KAT6B: variants seen among roughly 807,000 people sequenced by gnomAD.
The protein encoded by KAT6B is histone acetyltransferase KAT6B.
In KAT6B, 10 loss-of-function variants were observed where a neutral mutation model predicts 187.5. The ratio of observed to expected loss-of-function variants is 0.05; its 90% CI spans 0.03 to 0.09. The LOEUF is 0.09. Ranked by LOEUF, KAT6B falls within the 10% of genes least tolerant of loss-of-function variation. KAT6B has a pLI of 1.00. For missense variants in KAT6B, 1,952 were observed against 2,558.9 expected, an observed-to-expected ratio of 0.76 and a Z score of 5.12; for synonymous variants, 861 against 926.8, an observed-to-expected ratio of 0.93 and a Z score of 1.29.
At chr10:74,935,379 CT>C (rs1186477255) in intron 3 of KAT6B, among the ~76,000 whole-genome samples, 4 of 139,376 alleles carry the variant, frequency 2.9e-5, no homozygotes, top group Non-Finnish European at 4.4e-5. Flanking sequence ...AACAATATAT[CT>C]TTTTTTTTCA....
chr10:74,954,600 G>A (rs1372914228), intron 3 of KAT6B, among the ~76,000 whole-genome samples: 4 of 152,268 alleles, frequency 2.6e-5, no homozygotes, highest in Admixed American at 2.6e-4. Flanking sequence ...CCTTTCACCT[G>A]GATGAAGACA....
At chr10:74,987,782 T>A (rs1201316060) in intron 12 of KAT6B, among the ~76,000 whole-genome samples, 1 of 152,248 alleles carries the variant, frequency 6.6e-6, no homozygotes, top group Non-Finnish European at 1.5e-5. Context: ...GAAATGGTTC[T>A]GGACAAAGCA....
chr10:74,915,202 T>C (rs1173330192), intron 3 of KAT6B, among the ~76,000 whole-genome samples: 1 of 152,222 alleles, frequency 6.6e-6, no homozygotes, highest in Non-Finnish European at 1.5e-5. Flanking sequence ...TATATGCAGC[T>C]TATAAGAATC....
intron 3 of KAT6B, among the ~76,000 whole-genome samples, chr10:74,910,386 C>G (rs184840635): frequency 1.4e-4 from 21 of 152,240 alleles, no homozygotes; most frequent in Admixed American, 5.9e-4. Context: ...TCCCAATACC[C>G]CCTCGTGGCA....
intron 3 of KAT6B, among the ~76,000 whole-genome samples, chr10:74,897,417 G>A (rs946584621): frequency 6.6e-6 from 1 of 152,202 alleles, no homozygotes; most frequent in African/African-American, 2.4e-5. Context: ...GCACACTGCT[G>A]GACCTAGAGC....
intron 1 of KAT6B, among the ~76,000 whole-genome samples, chr10:74,836,838 C>G (rs186460771): frequency 4.6e-5 from 7 of 152,190 alleles, no homozygotes; most frequent in Admixed American, 2.6e-4. Flanking sequence ...TTGAAAAAAT[C>G]CAGGTTTTCC....
chr10:74,962,515 G>A (rs1459723596), intron 4 of KAT6B, among the ~76,000 whole-genome samples: 3 of 152,126 alleles, frequency 2.0e-5, no homozygotes, highest in Non-Finnish European at 2.9e-5. Context: ...AATTGAGACC[G>A]TTCATAATGT....
intron 3 of KAT6B, among the ~76,000 whole-genome samples, chr10:74,855,800 A>C (rs971618184): frequency 1.3e-5 from 2 of 152,186 alleles, no homozygotes; most frequent in Non-Finnish European, 2.9e-5. Flanking sequence ...TTTCACATAG[A>C]TTCACCAATT....
At chr10:74,840,740 G>A (rs1014023898) in intron 2 of KAT6B, among the ~76,000 whole-genome samples, 1 of 152,176 alleles carries the variant, frequency 6.6e-6, no homozygotes, top group African/African-American at 2.4e-5. Context: ...TGAATTTACA[G>A]CTTACTGATC....
chr10:74,965,346 A>G (rs1841386012), intron 4 of KAT6B, among the ~76,000 whole-genome samples: 1 of 152,108 alleles, frequency 6.6e-6, no homozygotes, highest in South Asian at 2.1e-4. Flanking sequence ...ATTCTCCCAT[A>G]TCCCTAAGCC....
chr10:75,003,633 T>G (rs1454917284), intron 13 of KAT6B, among the ~76,000 whole-genome samples: 2 of 152,326 alleles, frequency 1.3e-5, no homozygotes, highest in East Asian at 1.9e-4. Context: ...TGTAATATAA[T>G]AAGGAAAATG....
chr10:74,828,757 C>T (rs1295201050), intron 1 of KAT6B, among the ~76,000 whole-genome samples: 1 of 151,424 alleles, frequency 6.6e-6, no homozygotes, highest in Non-Finnish European at 1.5e-5. Flanking sequence ...TTAGTAGAGA[C>T]GGGGTTTCAC....
rs1007982536 is a variant in KAT6B at position 75,030,690 on chromosome 10, G to A, written c.5866G>A (p.Ala1956Thr). 3.7e-6 allele frequency: 6 copies of A among 1,614,100 alleles called. No homozygotes were observed. The African/African-American group carries it at 8.0e-5, about 22-fold the overall frequency. ...CCAGACTGTAGCCATGCAGGGTCCTGCACGGACTTTAACGATGCAAAGAGG... is the reference window on the plus strand; with the variant it reads ...CCAGACTGTAGCCATGCAGGGTCCTACACGGACTTTAACGATGCAAAGAGG... Reference protein sequence around the residue: ...RSQTVAMQGPARTLTMQRGMN... With the variant: ...RSQTVAMQGPTRTLTMQRGMN... The change falls in exon 18 of 18, where the codon GCA becomes ACA. Residue 1956 changes from alanine to threonine, a missense_variant. Around this residue, in one of 9 missense-constraint regions of KAT6B, gnomAD observed 358 missense variants for 436.3 expected, o/e 0.82. Transcript: ENST00000287239. This position sits in a 1 kb window ranked among gnomAD's most constrained non-coding sequence, Gnocchi z 4.8.
intron 3 of KAT6B, among the ~76,000 whole-genome samples, chr10:74,877,133 T>C (rs1212906746): frequency 6.6e-6 from 1 of 151,588 alleles, no homozygotes; most frequent in African/African-American, 2.4e-5. Context: ...GCCTGGCTAA[T>C]TTTTGTATTT....
chr10:74,905,358 A>G (rs1564554482), intron 3 of KAT6B, among the ~76,000 whole-genome samples: 1 of 152,208 alleles, frequency 6.6e-6, no homozygotes, highest in Non-Finnish European at 1.5e-5. Flanking sequence ...TAAATTAATA[A>G]GTAGAAAGTG....
chr10:74,873,762 T>C (rs2132436062), intron 3 of KAT6B, among the ~76,000 whole-genome samples: 1 of 152,308 alleles, frequency 6.6e-6, no homozygotes, highest in Non-Finnish European at 1.5e-5. Context: ...TGAATTCCAA[T>C]AGAATCTTCT....
At chr10:75,021,045 G>A (rs558422159) in intron 14 of KAT6B, 81 bp from the exon 15 acceptor site, 740 of 1,357,768 alleles carry the variant, frequency 5.5e-4, no homozygotes, top group Non-Finnish European at 7.5e-4. Flanking sequence ...GATAACATTA[G>A]TGCTAGCATA....
intron 13 of KAT6B, among the ~76,000 whole-genome samples, chr10:74,993,853 A>G (rs1187829247): frequency 6.6e-6 from 1 of 152,216 alleles, no homozygotes; most frequent in African/African-American, 2.4e-5. Flanking sequence ...CAGGAATACC[A>G]TAGAAGTGAC....
chr10:74,957,703 T>G (rs896254898), intron 3 of KAT6B, among the ~76,000 whole-genome samples: 1 of 152,194 alleles, frequency 6.6e-6, no homozygotes, highest in African/African-American at 2.4e-5. Flanking sequence ...AGGAATCCCG[T>G]TAGTAAGAGG....
Sources: allele counts gnomAD v4.1 joint callset (sites outside exome capture counted in the v4.1 genomes callset), GRCh38; gene constraint gnomAD v4.1.1; regional missense constraint gnomAD v4.1.1; non-coding constraint Gnocchi (gnomAD v3.1); transcripts MANE v1.5; gene names NCBI Gene and HGNC (gene_info 2026-07-23, HGNC 2026-07-21).